The following AGBL4 variants were observed in gnomAD, a reference collection of about 807,000 sequenced individuals.
The protein encoded by AGBL4 is cytosolic carboxypeptidase 6.
AGBL4 carries 58 observed loss-of-function variants against 66.4 expected under a neutral mutation model. That is an observed-to-expected ratio of 0.87 (90% CI 0.71 to 1.09). The LOEUF (loss-of-function observed/expected upper bound fraction) is 1.09. Ranked by LOEUF, AGBL4 falls within the 50% of genes least tolerant of loss-of-function variation. The pLI, the probability that AGBL4 is intolerant of heterozygous loss-of-function variation, is 0.00. For missense variants in AGBL4, 579 were observed against 631.0 expected, an observed-to-expected ratio of 0.92 and a Z score of 0.88; for synonymous variants, 234 against 222.9, an observed-to-expected ratio of 1.05 and a Z score of -0.44.
intron 1 of AGBL4, among the ~76,000 whole-genome samples, chr1:49,911,266 G>C (rs1345605381): frequency 1.3e-5 from 2 of 152,038 alleles, no homozygotes; most frequent in African/African-American, 4.8e-5. Flanking sequence ...GAAATAAATA[G>C]AAAAATAAGA....
At chr1:49,080,870 T>C (rs1238209840) in intron 4 of AGBL4, among the ~76,000 whole-genome samples, 1 of 152,210 alleles carries the variant, frequency 6.6e-6, no homozygotes, top group African/African-American at 2.4e-5. Flanking sequence ...TATCAACTTT[T>C]CTGAAAATTC....
At position 48,574,592 on chromosome 1, in the gene AGBL4, T is replaced by A. The variant is rs774996343; in HGVS notation, c.1267+12412A>T. ...CATCCTTTACCTCCTCTCTCTCCTC[T>A]CCACTGACTCATGGCCAAAACTGCA... On this transcript the variant is annotated intron_variant, in intron 11 of 13. Transcript: ENST00000371839. Among the ~76,000 whole-genome samples the A allele has an allele frequency of 4.0e-5, 6 of 150,802 alleles. No homozygotes were observed. In the East Asian group the frequency reaches 1.2e-3, roughly 30 times the overall value.
chr1:49,855,465 C>A (rs2148071882), intron 1 of AGBL4, among the ~76,000 whole-genome samples: 1 of 152,250 alleles, frequency 6.6e-6, no homozygotes, highest in Admixed American at 6.5e-5. Flanking sequence ...TTCTTATCAG[C>A]ACATGGAACA....
At chr1:49,018,091 G>A (rs1333208006) in intron 5 of AGBL4, among the ~76,000 whole-genome samples, 1 of 152,182 alleles carries the variant, frequency 6.6e-6, no homozygotes, top group African/African-American at 2.4e-5. Context: ...GTAGGAAGTA[G>A]GAAGAGGCAC....
intron 5 of AGBL4, among the ~76,000 whole-genome samples, chr1:49,007,610 T>C (rs1661972054): frequency 6.6e-6 from 1 of 151,940 alleles, no homozygotes; most frequent in Non-Finnish European, 1.5e-5. Flanking sequence ...GGAAAAAATG[T>C]TAAGGGAAGC....
chr1:49,572,651 G>C (rs1644355293), intron 3 of AGBL4, among the ~76,000 whole-genome samples: 2 of 152,140 alleles, frequency 1.3e-5, no homozygotes. Flanking sequence ...GCTATTTATA[G>C]TATTCTCTGA....
chr1:48,525,985 T>C, the AGBL4 span, among the ~76,000 whole-genome samples: 1 of 152,178 alleles, frequency 6.6e-6, no homozygotes, highest in African/African-American at 2.4e-5. Context: ...ACCTCGCTTG[T>C]TGTTACAATT....
At position 49,928,653 on chromosome 1, in the gene AGBL4, C is replaced by T. The variant is rs190042222; in HGVS notation, c.35-77135G>A. On this transcript the variant is annotated intron_variant, in intron 1 of 13. Transcript: ENST00000371839. ...CCATATTTGATGAAAACTATAAACC[C>T]GTATATCCAAGAAAATCAACAAATT... Among the ~76,000 whole-genome samples the T allele has an allele frequency of 2.2e-3, 337 of 152,088 alleles. 1 individual carries two copies. Among genetic ancestry groups the T allele is most frequent in the Non-Finnish European group, 4.0e-3 (275 of 68,008 alleles).
At chr1:49,841,799 T>TAAA in intron 2 of AGBL4, 3 of 266,318 alleles carry the variant, frequency 1.1e-5, no homozygotes, top group South Asian at 4.8e-5. Flanking sequence ...GACAATGTGA[T>TAAA]AAAAAAAAAA....
At chr1:49,584,371 G>T (rs1644606455) in intron 3 of AGBL4, among the ~76,000 whole-genome samples, 1 of 152,150 alleles carries the variant, frequency 6.6e-6, no homozygotes, top group African/African-American at 2.4e-5. Flanking sequence ...ACTATTGCCA[G>T]CACTGTCAAT....
intron 9 of AGBL4, among the ~76,000 whole-genome samples, chr1:48,592,306 A>C (rs1362554102): frequency 6.6e-6 from 1 of 152,216 alleles, no homozygotes; most frequent in Non-Finnish European, 1.5e-5. Context: ...AGAAAAGTGC[A>C]CATTTAGAAG....
intron 1 of AGBL4, among the ~76,000 whole-genome samples, chr1:49,980,616 T>G (rs1394970927): frequency 6.6e-6 from 1 of 152,186 alleles, no homozygotes; most frequent in African/African-American, 2.4e-5. Flanking sequence ...TTTCTAAGAC[T>G]GAGTAATATT....
intron 3 of AGBL4, among the ~76,000 whole-genome samples, chr1:49,440,959 C>T (rs1165498333): frequency 6.6e-6 from 1 of 152,150 alleles, no homozygotes; most frequent in Non-Finnish European, 1.5e-5. Context: ...CCCTCCCCAA[C>T]CCATGCTCCC....
chr1:48,980,408 T>C (rs1659656062), intron 5 of AGBL4, among the ~76,000 whole-genome samples: 1 of 152,026 alleles, frequency 6.6e-6, no homozygotes, highest in Non-Finnish European at 1.5e-5. Context: ...GATAGCCAGA[T>C]TGCTGCCAAA....
chr1:49,758,206 G>C (rs1446356865), intron 2 of AGBL4, among the ~76,000 whole-genome samples: 1 of 152,200 alleles, frequency 6.6e-6, no homozygotes, highest in Non-Finnish European at 1.5e-5. Flanking sequence ...CTGAGCATTG[G>C]AACCTCTTCC....
At chr1:49,816,121 A>C (rs1324528997) in intron 2 of AGBL4, among the ~76,000 whole-genome samples, 1 of 152,060 alleles carries the variant, frequency 6.6e-6, no homozygotes, top group African/African-American at 2.4e-5. Flanking sequence ...TCCTGGACTC[A>C]AGTGGTCCTT....
intron 3 of AGBL4, among the ~76,000 whole-genome samples, chr1:49,672,772 A>G (rs1646502929): frequency 6.6e-6 from 1 of 151,786 alleles, no homozygotes; most frequent in South Asian, 2.1e-4. Context: ...AATACCAAAA[A>G]TTATCTGGGC....
At chr1:48,891,842 C>G (rs1331129423) in intron 5 of AGBL4, among the ~76,000 whole-genome samples, 2 of 152,062 alleles carry the variant, frequency 1.3e-5, no homozygotes, top group African/African-American at 4.8e-5. Context: ...TGGTCAGACA[C>G]CCAACCCTGA....
intron 3 of AGBL4, among the ~76,000 whole-genome samples, chr1:49,508,384 G>A (rs1648887746): frequency 6.6e-6 from 1 of 151,966 alleles, no homozygotes; most frequent in Non-Finnish European, 1.5e-5. Flanking sequence ...TTAAAAATTA[G>A]AAATAAAACA....
Sources: gnomAD v4.1 joint callset for allele counts (sites outside exome capture counted in the v4.1 genomes callset) on GRCh38, gnomAD v4.1.1 for gene constraint, MANE v1.5 for transcripts, NCBI Gene and HGNC (gene_info 2026-07-23, HGNC 2026-07-21) for gene names.